HIF3A: variants seen among roughly 807,000 people sequenced by gnomAD.
HIF3A encodes the protein hypoxia-inducible factor 3-alpha.
HIF3A carries 41 observed loss-of-function variants against 67.2 expected under a neutral mutation model. That is an observed-to-expected ratio of 0.61 (90% CI 0.48 to 0.79). The LOEUF (loss-of-function observed/expected upper bound fraction) is 0.79. Among genes scored for constraint, HIF3A ranks in the 30% least tolerant of loss-of-function variants. The pLI is 0.00. For missense variants in HIF3A, 855 were observed against 898.0 expected, an observed-to-expected ratio of 0.95 and a Z score of 0.61; for synonymous variants, 356 against 374.8, an observed-to-expected ratio of 0.95 and a Z score of 0.58.
At chr19:46,330,477 CGGAT>C (rs1971119349) in intron 12 of HIF3A, among the ~76,000 whole-genome samples, 1 of 149,256 alleles carries the variant, frequency 6.7e-6, no homozygotes, top group Admixed American at 6.7e-5. Context: ...ATGGATGAAT[CGGAT>C]GGATGGAGGG....
At chr19:46,325,707 G>C in intron 11 of HIF3A, 68 bp downstream of exon 11, 1 of 1,060,160 alleles carries the variant, frequency 9.4e-7, no homozygotes, top group Non-Finnish European at 1.5e-6. Flanking sequence ...TGTGGCTTTA[G>C]AGAAGGGTAG....
intron 11 of HIF3A, among the ~76,000 whole-genome samples, chr19:46,328,901 T>G (rs547319554): frequency 6.6e-6 from 1 of 152,220 alleles, no homozygotes; most frequent in East Asian, 1.9e-4. Flanking sequence ...TTTTCCTTTT[T>G]TGTGTAGGTG....
intron 6 of HIF3A, chr19:46,310,634 C>T (rs1398067797): frequency 2.2e-6 from 1 of 456,242 alleles, no homozygotes; most frequent in Non-Finnish European, 4.4e-6. Context: ...ACAATTTCCT[C>T]ACCTATACTG....
chr19:46,299,085 A>G (rs1968106075), intron 1 of HIF3A, among the ~76,000 whole-genome samples: 1 of 152,160 alleles, frequency 6.6e-6, no homozygotes. Context: ...CCTCACCCTG[A>G]GCCCGCCAGG....
Position 46,334,894 on chromosome 19 carries a change from C to T in HIF3A, c.1831-11C>T, listed in dbSNP as rs765671097. 8 of 1,604,112 alleles carry T rather than the reference C, an allele frequency of 5.0e-6. No homozygotes were observed. The highest frequency in any genetic ancestry group is 1.1e-5 in the South Asian group (1 of 88,834). On this transcript the variant is annotated splice_polypyrimidine_tract_variant and intron_variant, in intron 13 of 14. Coordinates refer to ENST00000377670, the MANE Select transcript of HIF3A (RefSeq NM_152795.4). ...GATGATGATGGTGGTGGCTTTGTCT[C>T]TCTCCCACAGAGTTTCCTTCTGACA...
chr19:46,307,600 T>G (rs572743932), intron 3 of HIF3A, among the ~76,000 whole-genome samples: 3 of 151,892 alleles, frequency 2.0e-5, no homozygotes, highest in African/African-American at 7.2e-5. Context: ...ATACAAAAAT[T>G]AGCCGGGTGT....
chr19:46,330,507 G>A (rs1601350618), intron 12 of HIF3A, among the ~76,000 whole-genome samples: 1 of 151,734 alleles, frequency 6.6e-6, no homozygotes, highest in African/African-American at 2.4e-5. Flanking sequence ...TGGATGGATG[G>A]ATGGATGGAT....
intron 12 of HIF3A, among the ~76,000 whole-genome samples, chr19:46,329,791 C>T (rs1236880945): frequency 1.3e-5 from 2 of 151,818 alleles, no homozygotes; most frequent in African/African-American, 4.8e-5. Context: ...GAAGACATTG[C>T]CGTGTGTCAG....
At chr19:46,312,360 CT>C in intron 7 of HIF3A, 93 bp downstream of exon 7, 1 of 1,610,276 alleles carries the variant, frequency 6.2e-7, no homozygotes, top group Non-Finnish European at 8.5e-7. Flanking sequence ...CCAGGATGCA[CT>C]GCCTCCCCAC....
intron 8 of HIF3A, among the ~76,000 whole-genome samples, chr19:46,314,717 C>G (rs377425913): frequency 6.8e-6 from 1 of 146,428 alleles, no homozygotes; most frequent in South Asian, 2.3e-4. Flanking sequence ...TTACACCAAG[C>G]CCAGCTAATT....
intron 8 of HIF3A, among the ~76,000 whole-genome samples, chr19:46,316,765 T>C (rs955166484): frequency 1.2e-4 from 17 of 146,314 alleles, no homozygotes; most frequent in African/African-American, 4.1e-4. Flanking sequence ...ATCAGACCAC[T>C]GCACTCCAGC....
At chr19:46,305,534 A>G (rs1968767202) in intron 3 of HIF3A, 144 bp downstream of exon 3, 1 of 861,832 alleles carries the variant, frequency 1.2e-6, no homozygotes, top group East Asian at 2.7e-5. Flanking sequence ...GAAGACCCAG[A>G]ATGGTCAGGG....
At chr19:46,305,942 T>G (rs11673292) in intron 3 of HIF3A, among the ~76,000 whole-genome samples, 40,348 of 151,884 alleles carry the variant, frequency 0.27, 5,682 homozygotes, top group East Asian at 0.49. Context: ...TGCCAGATGT[T>G]GTGGCACATG....
At chr19:46,323,160 C>G (rs1166609939) in intron 10 of HIF3A, among the ~76,000 whole-genome samples, 1 of 151,956 alleles carries the variant, frequency 6.6e-6, no homozygotes, top group Non-Finnish European at 1.5e-5. Context: ...AAGCAATGCT[C>G]CTGCCTCAGC....
chr19:46,305,717 T>A (rs959009133), intron 3 of HIF3A, among the ~76,000 whole-genome samples: 2 of 151,822 alleles, frequency 1.3e-5, no homozygotes, highest in African/African-American at 4.8e-5. Flanking sequence ...ATCAGGAATG[T>A]ACATGGTAGA....
chr19:46,325,464 T>G, intron 10 of HIF3A, 71 bp from the exon 11 acceptor site: 1 of 1,075,974 alleles, frequency 9.3e-7, no homozygotes, highest in Non-Finnish European at 1.4e-6. Context: ...ACCCTTGAGC[T>G]GCAGACTGTC....
chr19:46,339,800 G>A lies in HIF3A; in HGVS notation c.*178G>A. On this transcript the variant is annotated 3_prime_UTR_variant, in exon 15 of 15. Coordinates refer to ENST00000377670, the MANE Select transcript of HIF3A (RefSeq NM_152795.4). ...CACCCCTCTGCCTGCTCCCAATCTG[G>A]GGGCTCTCTGGGGTGGTCTCAGCTC... is the stretch of plus-strand genomic sequence containing the variant. 1 of 438,406 alleles carries A rather than the reference G, an allele frequency of 2.3e-6. No individual in the cohort carries two copies. Among genetic ancestry groups the A allele is most frequent in the East Asian group, 3.4e-5 (1 of 29,290 alleles). 27.2% of individuals were successfully genotyped at this position (438,406 alleles called of 1,614,324 possible).
At chr19:46,317,055 G>A (rs565014742) in intron 8 of HIF3A, among the ~76,000 whole-genome samples, 3 of 152,210 alleles carry the variant, frequency 2.0e-5, no homozygotes, top group African/African-American at 7.2e-5. Flanking sequence ...CAAGTAGCTG[G>A]GACTATAGGT....
At chr19:46,298,320 C>G in intron 1 of HIF3A, 1 of 1,124,694 alleles carries the variant, frequency 8.9e-7, no homozygotes, top group Non-Finnish European at 1.2e-6. Flanking sequence ...CTCTCAGCGC[C>G]CCCTCCTGGC....
Sources: gnomAD v4.1 joint callset for allele counts (sites outside exome capture counted in the v4.1 genomes callset) on GRCh38, gnomAD v4.1.1 for gene constraint, MANE v1.5 for transcripts, NCBI Gene and HGNC (gene_info 2026-07-23, HGNC 2026-07-21) for gene names.